Variants in IPP observed in about 807,000 individuals in gnomAD.
The protein encoded by IPP is intracisternal A particle-promoted polypeptide, also known as actin-binding protein IPP.
In IPP, 41 loss-of-function variants were observed where a neutral mutation model predicts 64.1. The ratio of observed to expected loss-of-function variants is 0.64; its 90% CI spans 0.50 to 0.83. The LOEUF (loss-of-function observed/expected upper bound fraction) is 0.83. IPP is among the 40% of genes least tolerant of loss of function. The pLI is 0.00. For synonymous variants in IPP, 214 were observed against 235.2 expected (o/e 0.91, Z 0.83); for missense variants, 649 against 703.0 (o/e 0.92, Z 0.87).
At chr1:45,704,650 T>C (rs1645494702) in intron 8 of IPP, among the ~76,000 whole-genome samples, 2 of 152,252 alleles carry the variant, frequency 1.3e-5, no homozygotes, top group African/African-American at 4.8e-5. Flanking sequence ...GGTTTTACAA[T>C]ATAACTGCAC....
intron 5 of IPP, among the ~76,000 whole-genome samples, chr1:45,725,359 G>A (rs537443591): frequency 3.2e-4 from 47 of 146,426 alleles, no homozygotes; most frequent in South Asian, 1.1e-3. Context: ...CCCCCCGCCC[G>A]GCCAGCCACC....
rs1002723083 is a variant in IPP at position 45,741,869 on chromosome 1, C to A, written c.293-537G>T. ...GGTCTCGATCTCCTGACCTTGTGAT[C>A]CGCCCGCCTCGGCCTCCCAAAGTGC... On this transcript the variant is annotated intron_variant, in intron 2 of 8. Transcript: ENST00000396478. Among the ~76,000 whole-genome samples the A allele has an allele frequency of 1.0e-4, 8 of 78,392 alleles. 1 individual carries two copies. The highest frequency in any genetic ancestry group is 3.3e-4 in the African/African-American group (8 of 24,190). 51.4% of individuals were successfully genotyped at this position (78,392 alleles called of 152,430 possible). A position where few individuals can be genotyped will look rare whatever the true frequency, so the allele number is the denominator to read the frequency against.
chr1:45,704,169 A>G (rs920521786), intron 8 of IPP, among the ~76,000 whole-genome samples: 1 of 152,230 alleles, frequency 6.6e-6, no homozygotes, highest in African/African-American at 2.4e-5. Flanking sequence ...GACAGCTGGT[A>G]TGGTAAGAAA....
chr1:45,743,144 G>A (rs1243486322), intron 2 of IPP, among the ~76,000 whole-genome samples: 2 of 150,174 alleles, frequency 1.3e-5, no homozygotes, highest in Non-Finnish European at 3.0e-5. Flanking sequence ...CACCATGTTG[G>A]TCAGGCTGGT....
chr1:45,716,480 G>A (rs1436411903), intron 7 of IPP, among the ~76,000 whole-genome samples: 1 of 152,026 alleles, frequency 6.6e-6, no homozygotes. Context: ...CCTAACCTCA[G>A]GTGATCCTCC....
chr1:45,708,829 C>T (rs961021817), intron 8 of IPP, among the ~76,000 whole-genome samples: 2 of 151,284 alleles, frequency 1.3e-5, no homozygotes, highest in Admixed American at 6.6e-5. Flanking sequence ...GCCAGTAGTT[C>T]GAGACCAGCC....
intron 8 of IPP, among the ~76,000 whole-genome samples, chr1:45,705,924 G>A (rs1375685361): frequency 6.6e-6 from 1 of 152,152 alleles, no homozygotes; most frequent in Non-Finnish European, 1.5e-5. Context: ...CTTTATGCCT[G>A]GAGGGGCTTT....
intron 7 of IPP, among the ~76,000 whole-genome samples, chr1:45,715,194 CAAAA>C (rs199978194): frequency 6.8e-5 from 7 of 102,818 alleles, no homozygotes; most frequent in Admixed American, 1.0e-4. Context: ...GACCTTCTCT[CAAAA>C]AAAAAAAAAA....
chr1:45,732,318 T>C (rs1251305426), intron 3 of IPP, among the ~76,000 whole-genome samples: 1 of 127,594 alleles, frequency 7.8e-6, no homozygotes, highest in Non-Finnish European at 1.6e-5. Context: ...GCCGAGATCA[T>C]GCCACTGCAC....
chr1:45,727,238 TAA>T (rs1332122494), intron 5 of IPP, among the ~76,000 whole-genome samples: 2 of 151,824 alleles, frequency 1.3e-5, no homozygotes, highest in African/African-American at 2.4e-5. Flanking sequence ...TTTGTAGAGA[TAA>T]AGTCTCGATA....
At position 45,734,465 on chromosome 1, in the gene IPP, T is replaced by C. The variant is rs117896231; in HGVS notation, c.725-4696A>G. Among the ~76,000 whole-genome samples, 460 of 152,108 alleles carry C rather than the reference T, an allele frequency of 3.0e-3. 4 individuals carry two copies. The highest frequency in any genetic ancestry group is 0.023 in the East Asian group (117 of 5,192). On this transcript the variant is annotated intron_variant, in intron 3 of 8. Transcript: ENST00000396478. ...TATTTTTTTTTCTTTGAGACAAGAG[T>C]CTTGCTCTGTTGCTCAGGCTGGAGT...
At chr1:45,696,186 C>T (rs1316062573), downstream of IPP, among the ~76,000 whole-genome samples, 1 of 152,028 alleles carries the variant, frequency 6.6e-6, no homozygotes, top group African/African-American at 2.4e-5. Context: ...GCTATTTTTC[C>T]AGGTGAATTA....
downstream of IPP, among the ~76,000 whole-genome samples, chr1:45,696,240 AT>A (rs1431658826): frequency 6.6e-6 from 1 of 152,218 alleles, no homozygotes; most frequent in African/African-American, 2.4e-5. Context: ...AGTACATTTG[AT>A]TAAGTACATT....
chr1:45,700,618 G>A (rs1645439752), intron 8 of IPP, among the ~76,000 whole-genome samples: 1 of 152,168 alleles, frequency 6.6e-6, no homozygotes. Flanking sequence ...GATTACAGGT[G>A]TAAGCCACAG....
chr1:45,748,265 T>C (rs1268179822), intron 1 of IPP, among the ~76,000 whole-genome samples: 1 of 152,176 alleles, frequency 6.6e-6, no homozygotes, highest in Non-Finnish European at 1.5e-5. Context: ...CTGTACCTCA[T>C]AAATGTAAAT....
At chr1:45,712,133 T>C (rs1374974014) in intron 8 of IPP, among the ~76,000 whole-genome samples, 1 of 151,950 alleles carries the variant, frequency 6.6e-6, no homozygotes, top group African/African-American at 2.4e-5. Context: ...CTGGCCAGCA[T>C]GGTGAAACCC....
downstream of IPP, chr1:45,695,076 T>C (rs1569929756): frequency 6.6e-6 from 1 of 152,468 alleles, no homozygotes; most frequent in African/African-American, 2.4e-5. Context: ...GTATTTTTAG[T>C]AGAGGTGGCA....
At chr1:45,732,996 A>G (rs1041291406) in intron 3 of IPP, among the ~76,000 whole-genome samples, 23 of 152,148 alleles carry the variant, frequency 1.5e-4, no homozygotes, top group African/African-American at 5.6e-4. Flanking sequence ...GAAATTTCAC[A>G]TAAGAAAATT....
At position 45,729,498 on chromosome 1, in the gene IPP, T is replaced by A; in HGVS notation, c.880+116A>T. On this transcript the variant is annotated intron_variant, in intron 4 of 8. Coordinates refer to ENST00000396478, the MANE Select transcript of IPP (RefSeq NM_005897.3). ...TGTAGTCTGTATGTGAAATTAAATA[T>A]GCCTCTTCAACACACCCACATATTC... The A allele has an allele frequency of 4.1e-6, 3 of 737,454 alleles. No homozygotes were observed. The East Asian group carries it at 8.2e-5, about 20-fold the overall frequency. The allele number at this position is 737,454 out of a possible 1,614,324, so 45.7% of individuals were successfully genotyped here. A position where few individuals can be genotyped will look rare whatever the true frequency, so the allele number is the denominator to read the frequency against.
Sources: allele counts gnomAD v4.1 joint callset (sites outside exome capture counted in the v4.1 genomes callset), GRCh38; gene constraint gnomAD v4.1.1; transcripts MANE v1.5; gene names NCBI Gene and HGNC (gene_info 2026-07-23, HGNC 2026-07-21).